STAG2: variants seen among roughly 807,000 people sequenced by gnomAD.
The protein encoded by STAG2 is cohesin subunit SA-2.
A neutral mutation model predicts 108.1 loss-of-function variants in STAG2; 14 were observed. The observed-to-expected ratio is 0.13, with a 90% CI of 0.09 to 0.20. The LOEUF is 0.20. STAG2 is among the 10% of genes least tolerant of loss of function. STAG2 has a pLI of 1.00. For missense variants in STAG2, 440 were observed against 940.9 expected, an observed-to-expected ratio of 0.47 and a Z score of 6.96; for synonymous variants, 307 against 302.7, an observed-to-expected ratio of 1.01 and a Z score of -0.15.
intron 1 of STAG2, among the ~76,000 whole-genome samples, chrX:123,999,590 G>GT (rs1447160851): frequency 9.0e-6 from 1 of 110,989 alleles, no homozygotes; most frequent in African/African-American, 3.3e-5. Flanking sequence ...GACTACGGGT[G>GT]TGTGTCCCCA....
At chrX:123,972,463 G>T (rs1044394994) in intron 1 of STAG2, among the ~76,000 whole-genome samples, 18 of 108,220 alleles carry the variant, frequency 1.7e-4, no homozygotes, top group Non-Finnish European at 3.1e-4. Context: ...AGTAGAGACG[G>T]GGTTTCACCG....
chrX:124,026,128 AAATAATAATAATAAT>A (rs57097416), intron 4 of STAG2, among the ~76,000 whole-genome samples: 23 of 88,945 alleles, frequency 2.6e-4, no homozygotes, highest in East Asian at 2.1e-3. Context: ...GTAAAGTTGC[AAATAATAATAATAAT>A]AATAATAATA....
intron 28 of STAG2, among the ~76,000 whole-genome samples, chrX:124,082,060 A>G (rs1348440236): frequency 1.8e-5 from 2 of 112,457 alleles, no homozygotes; most frequent in Non-Finnish European, 3.8e-5. Context: ...TTTAAACCAT[A>G]CAAAGTCTAT....
At chrX:123,994,351 C>T (rs1480919483) in intron 1 of STAG2, among the ~76,000 whole-genome samples, 1 of 111,543 alleles carries the variant, frequency 9.0e-6, no homozygotes, top group African/African-American at 3.3e-5. Context: ...GACCCAAACA[C>T]CTCTCAGTAG....
chrX:123,992,917 CAG>C (rs1300538833), intron 1 of STAG2, among the ~76,000 whole-genome samples: 2 of 110,911 alleles, frequency 1.8e-5, no homozygotes, highest in African/African-American at 6.6e-5. Context: ...GCTGGAGAAA[CAG>C]AGATGGGAAT....
intron 30 of STAG2, among the ~76,000 whole-genome samples, chrX:124,090,186 A>AAAAAG (rs1569521239): frequency 1.4e-4 from 14 of 100,047 alleles, no homozygotes; most frequent in East Asian, 3.2e-4. Flanking sequence ...AAAAAAAAAA[A>AAAAAG]GGTTTAGTCC....
At chrX:124,027,865 GT>G (rs1329851792) in intron 4 of STAG2, among the ~76,000 whole-genome samples, 3 of 110,781 alleles carry the variant, frequency 2.7e-5, no homozygotes, top group African/African-American at 9.9e-5. Flanking sequence ...TCTCTCCAAG[GT>G]TGTACACAGG....
At chrX:124,009,446 GATA>G (rs2056444475) in intron 1 of STAG2, among the ~76,000 whole-genome samples, 2 of 94,479 alleles carry the variant, frequency 2.1e-5, no homozygotes, top group African/African-American at 7.0e-5. Flanking sequence ...TAGGTAGGTA[GATA>G]GATAGATAGA....
In STAG2 at chrX:124,100,582, A is replaced by T. The variant is rs1371148856; in HGVS notation, c.3792A>T (p.Gly1264=). 1 of 1,199,423 alleles carries T rather than the reference A, an allele frequency of 8.3e-7. No individual in the cohort carries two copies. Among genetic ancestry groups the T allele is most frequent in the East Asian group, 3.0e-5 (1 of 33,648 alleles). Residue 1264 remains glycine, a synonymous_variant, in exon 35 of 35, where the codon GGA becomes GGT. Transcript: ENST00000371145. ...TCTCTCTCTCTCATTAGGTTCTTGGAGTGTCAATGTTTTAATACCAGTACA... is the reference window on the plus strand; with the variant it reads ...TCTCTCTCTCTCATTAGGTTCTTGGTGTGTCAATGTTTTAATACCAGTACA... ...PASIMDESVL[G]VSMF is the part of the protein sequence containing the mutation.
At chrX:124,045,589 C>T (rs1351021476) in intron 8 of STAG2, among the ~76,000 whole-genome samples, 1 of 111,051 alleles carries the variant, frequency 9.0e-6, no homozygotes, top group African/African-American at 3.3e-5. Flanking sequence ...TGGTAATTTT[C>T]TTGTATACTA....
intron 15 of STAG2, among the ~76,000 whole-genome samples, chrX:124,060,559 A>G (rs1323738012): frequency 8.9e-6 from 1 of 112,673 alleles, no homozygotes; most frequent in Non-Finnish European, 1.9e-5. Context: ...TAGCATACCT[A>G]AGAATTGAGA....
chrX:123,987,270 G>C (rs748488418), intron 1 of STAG2, among the ~76,000 whole-genome samples: 8 of 109,156 alleles, frequency 7.3e-5, no homozygotes, highest in African/African-American at 2.7e-4. Flanking sequence ...GATTACAGGC[G>C]TGAGCCACCG....
intron 26 of STAG2, 140 bp downstream of exon 26, chrX:124,076,611 A>T (rs2058809922): frequency 1.7e-6 from 1 of 578,396 alleles, no homozygotes; most frequent in African/African-American, 2.4e-5. Context: ...TGTTTTCAAT[A>T]CATTTCCTTA....
chrX:124,034,875 GTTGTTATTA>G (rs1245703142), intron 5 of STAG2, among the ~76,000 whole-genome samples: 17 of 99,866 alleles, frequency 1.7e-4, no homozygotes, highest in South Asian at 4.8e-4. Context: ...TGTTGTTGTT[GTTGTTATTA>G]TTATTATTAT....
intron 23 of STAG2, among the ~76,000 whole-genome samples, chrX:124,066,662 CTG>C (rs1446905802): frequency 9.0e-6 from 1 of 111,695 alleles, no homozygotes; most frequent in African/African-American, 3.3e-5. Flanking sequence ...GTGGCATAAT[CTG>C]TGGTTTTCTG....
intron 24 of STAG2, among the ~76,000 whole-genome samples, chrX:124,069,801 G>GGT (rs2058623285): frequency 9.0e-6 from 1 of 111,270 alleles, no homozygotes; most frequent in Non-Finnish European, 1.9e-5. Context: ...AGCAATAAAG[G>GGT]GTGTGGTACT....
At chrX:123,984,108 T>TA (rs1403673776) in intron 1 of STAG2, among the ~76,000 whole-genome samples, 1 of 106,198 alleles carries the variant, frequency 9.4e-6, no homozygotes, top group Admixed American at 1.0e-4. Flanking sequence ...CCTTCCTGAG[T>TA]AGCTGGGATT....
Position 124,049,077 on chromosome X carries a change from C to T in STAG2, c.892C>T (p.Arg298Cys), listed in dbSNP as rs2148209766. 1 of 1,177,614 alleles carries T rather than the reference C, an allele frequency of 8.5e-7. No homozygotes were observed. The highest frequency in any genetic ancestry group is 1.1e-6 in the Non-Finnish European group (1 of 871,977). The change falls in exon 10 of 35, where the codon CGT becomes TGT. Residue 298 changes from arginine to cysteine, a missense_variant and splice_region_variant. By Grantham distance (180) the Arg-to-Cys change is radical. Coordinates refer to ENST00000371145, the MANE Select transcript of STAG2 (RefSeq NM_001042750.2). ...TAAAGGAGTGTTTGTACATAGATAC[C>T]GGTAAGTTGTGACAGTTTTTTTCAT... ...IFKGVFVHRY[R>C]DAIAEIRAIC...
At chrX:124,040,407 C>T (rs1350052390) in intron 6 of STAG2, among the ~76,000 whole-genome samples, 1 of 110,443 alleles carries the variant, frequency 9.1e-6, no homozygotes, top group Non-Finnish European at 1.9e-5. Context: ...TTTAGATTTA[C>T]CGGATTTTAG....
Sources: gnomAD v4.1 joint callset for allele counts (sites outside exome capture counted in the v4.1 genomes callset) on GRCh38, gnomAD v4.1.1 for gene constraint, MANE v1.5 for transcripts, NCBI Gene and HGNC (gene_info 2026-07-23, HGNC 2026-07-21) for gene names.